KLHL1: variants seen among roughly 807,000 people sequenced by gnomAD.
The protein encoded by KLHL1 is kelch like family member 1.
A neutral mutation model predicts 77.7 loss-of-function variants in KLHL1; 47 were observed. The ratio of observed to expected loss-of-function variants is 0.60; its 90% CI spans 0.48 to 0.77. KLHL1 has a LOEUF of 0.77. Ranked by LOEUF, KLHL1 falls within the 30% of genes least tolerant of loss-of-function variation. The pLI, the probability that KLHL1 is intolerant of heterozygous loss-of-function variation, is 0.00. For synonymous variants in KLHL1, 360 were observed against 325.2 expected (o/e 1.11, Z -1.15); for missense variants, 925 against 910.8 (o/e 1.02, Z -0.20).
intron 6 of KLHL1, among the ~76,000 whole-genome samples, chr13:69,831,755 CA>C (rs1878770910): frequency 6.7e-6 from 1 of 150,196 alleles, no homozygotes; most frequent in Non-Finnish European, 1.5e-5. Flanking sequence ...CCACGATGAT[CA>C]AGTTGATTTC....
intron 4 of KLHL1, among the ~76,000 whole-genome samples, chr13:69,923,160 A>G (rs1230898470): frequency 5.3e-5 from 8 of 152,220 alleles, no homozygotes; most frequent in Non-Finnish European, 1.5e-5. Context: ...ATGGTAAAAC[A>G]GAAAGAATAG....
At chr13:69,842,920 T>C (rs1322231282) in intron 5 of KLHL1, among the ~76,000 whole-genome samples, 1 of 151,552 alleles carries the variant, frequency 6.6e-6, no homozygotes, top group Non-Finnish European at 1.5e-5. Context: ...TTATCTTAAG[T>C]GAAATAAGCC....
intron 3 of KLHL1, among the ~76,000 whole-genome samples, chr13:69,960,436 A>G (rs1884028551): frequency 6.6e-6 from 1 of 152,058 alleles, no homozygotes; most frequent in South Asian, 2.1e-4. Context: ...AAAACAAACC[A>G]TCAATATATA....
intron 1 of KLHL1, among the ~76,000 whole-genome samples, chr13:70,079,904 T>G (rs963688802): frequency 4.6e-5 from 7 of 151,942 alleles, no homozygotes; most frequent in Admixed American, 4.6e-4. Context: ...AAGTGAAGAG[T>G]TTTTTAGAAC....
At chr13:69,727,848 G>A (rs925778243) in intron 8 of KLHL1, among the ~76,000 whole-genome samples, 1 of 150,808 alleles carries the variant, frequency 6.6e-6, no homozygotes, top group African/African-American at 2.4e-5. Flanking sequence ...ACACATCACT[G>A]CTCTTTTTTT....
At chr13:69,850,724 C>T (rs1196927531) in intron 5 of KLHL1, among the ~76,000 whole-genome samples, 1 of 151,624 alleles carries the variant, frequency 6.6e-6, no homozygotes, top group African/African-American at 2.4e-5. Context: ...ATTCACTGTC[C>T]TGCTGTCTTG....
At chr13:69,769,266 A>T (rs560141937) in intron 7 of KLHL1, among the ~76,000 whole-genome samples, 1 of 152,244 alleles carries the variant, frequency 6.6e-6, no homozygotes, top group Non-Finnish European at 1.5e-5. Flanking sequence ...TAGAGGCAAC[A>T]GCTTTTACAA....
At chr13:69,957,093 T>C (rs1002280511) in intron 3 of KLHL1, among the ~76,000 whole-genome samples, 3 of 151,690 alleles carry the variant, frequency 2.0e-5, no homozygotes, top group African/African-American at 7.3e-5. Context: ...ATCAAAGGCT[T>C]ATTGAAGATT....
At chr13:70,095,241 C>T (rs1171947309) in intron 1 of KLHL1, among the ~76,000 whole-genome samples, 1 of 152,004 alleles carries the variant, frequency 6.6e-6, no homozygotes, top group East Asian at 1.9e-4. Context: ...TGCACCACTT[C>T]CAGAATAAAA....
chr13:69,757,661 G>T (rs186334828), intron 7 of KLHL1, among the ~76,000 whole-genome samples: 2 of 152,140 alleles, frequency 1.3e-5, no homozygotes, highest in East Asian at 3.9e-4. Context: ...AATCAAATAA[G>T]ATCACATGTT....
At position 70,077,416 on chromosome 13, in the gene KLHL1, C is replaced by T. The variant is rs547480310; in HGVS notation, c.497+29787G>A. 1.9e-4 allele frequency among the ~76,000 whole-genome samples: 29 copies of T among 151,704 alleles called. 1 individual carries two copies. The highest frequency in any genetic ancestry group is 6.5e-4 in the African/African-American group (27 of 41,324). Reference sequence around the variant, plus strand: ...AGCCATTCTGGAAAAGGCCAAACTACAGAGATTAAAAAAAAATTAGTCGTT... The same window carrying T: ...AGCCATTCTGGAAAAGGCCAAACTATAGAGATTAAAAAAAAATTAGTCGTT... On this transcript the variant is annotated intron_variant, in intron 1 of 10. Transcript: ENST00000377844.
At chr13:70,021,388 A>G (rs1295577079) in intron 1 of KLHL1, among the ~76,000 whole-genome samples, 1 of 152,018 alleles carries the variant, frequency 6.6e-6, no homozygotes, top group Non-Finnish European at 1.5e-5. Context: ...TGGATATACC[A>G]ATGTTTATTA....
chr13:70,035,139 G>T (rs1466157728), intron 1 of KLHL1, among the ~76,000 whole-genome samples: 2 of 152,012 alleles, frequency 1.3e-5, no homozygotes, highest in Non-Finnish European at 2.9e-5. Flanking sequence ...AGAGTACTTT[G>T]TTTATCCCAT....
intron 1 of KLHL1, among the ~76,000 whole-genome samples, chr13:70,060,800 G>A (rs919473797): frequency 6.6e-6 from 1 of 151,672 alleles, no homozygotes; most frequent in Non-Finnish European, 1.5e-5. Flanking sequence ...GAGCCGAGAT[G>A]GCACCATTGC....
intron 7 of KLHL1, among the ~76,000 whole-genome samples, chr13:69,749,882 T>C (rs1210299296): frequency 5.3e-5 from 8 of 151,938 alleles, no homozygotes; most frequent in Non-Finnish European, 1.2e-4. Flanking sequence ...TATTGCTAAA[T>C]ATATTCTAAG....
chr13:69,817,040 G>C (rs1878149283), intron 6 of KLHL1, among the ~76,000 whole-genome samples: 1 of 151,942 alleles, frequency 6.6e-6, no homozygotes, highest in Admixed American at 6.6e-5. Context: ...ATTATTGTGA[G>C]ACTATTTTAC....
At chr13:70,068,510 C>A (rs2137414732) in intron 1 of KLHL1, among the ~76,000 whole-genome samples, 1 of 152,196 alleles carries the variant, frequency 6.6e-6, no homozygotes, top group Admixed American at 6.5e-5. Context: ...GTTTCAGACC[C>A]AAAGTTAAGT....
intron 6 of KLHL1, among the ~76,000 whole-genome samples, chr13:69,815,678 C>T (rs1878090648): frequency 6.6e-6 from 1 of 151,918 alleles, no homozygotes; most frequent in South Asian, 2.1e-4. Flanking sequence ...ACCCATGCAA[C>T]AAACATGCAC....
chr13:69,975,476 C>T (rs1439656260), intron 2 of KLHL1, 144 bp downstream of exon 2: 2 of 701,134 alleles, frequency 2.9e-6, no homozygotes, highest in Non-Finnish European at 4.5e-6. Flanking sequence ...CAAGTATAAA[C>T]AAAACAAACA....
Sources: allele counts gnomAD v4.1 joint callset (sites outside exome capture counted in the v4.1 genomes callset), GRCh38; gene constraint gnomAD v4.1.1; transcripts MANE v1.5; gene names NCBI Gene and HGNC (gene_info 2026-07-23, HGNC 2026-07-21).